The following HAGH variants were observed in gnomAD, a reference collection of about 807,000 sequenced individuals.
HAGH encodes hydroxyacylglutathione hydrolase.
Under a neutral mutation model 35.1 loss-of-function variants are expected in HAGH, and 29 were observed. That is an observed-to-expected ratio of 0.83 (90% confidence interval 0.62 to 1.13). The LOEUF is 1.13. Ranked by LOEUF, HAGH falls within the 50% of genes most tolerant of loss-of-function variation. The pLI is 0.00. For missense variants in HAGH, 478 were observed against 419.6 expected (o/e 1.14, Z -1.22); for synonymous variants, 225 against 176.1 (o/e 1.28, Z -2.20).
intron 3 of HAGH, 79 bp from the exon 4 acceptor site, chr16:1,820,093 G>T: frequency 2.6e-6 from 1 of 391,942 alleles, no homozygotes; most frequent in African/African-American, 3.0e-5. Flanking sequence ...TGCCTGCTGA[G>T]CTGAGGGGCT....
Position 1,822,918 on chromosome 16 carries a change from T to C in HAGH, c.196A>G (p.Ile66Val), listed in dbSNP as rs1277557786. Residue 66 changes from isoleucine to valine, a missense_variant, in exon 2 of 9, where the codon ATT becomes GTT. By Grantham distance (29) the Ile-to-Val change is conservative. Coordinates refer to ENST00000397356, the MANE Select transcript of HAGH (RefSeq NM_005326.6). ...ALTDNYMYLV[I>V]DDETKEAAIV... ...GCAGCCTCCTTGGTCTCATCATCAA[T>C]GACCAGGTACATGTAGTTGTCGGTC... is the stretch of plus-strand genomic sequence containing the variant. 3.1e-6 allele frequency: 5 copies of C among 1,613,784 alleles called. No individual in the cohort carries two copies. The highest frequency in any genetic ancestry group is 4.2e-6 in the Non-Finnish European group (5 of 1,179,930).
At chr16:1,825,267 G>A (rs1361033988) in intron 1 of HAGH, among the ~76,000 whole-genome samples, 5 of 152,138 alleles carry the variant, frequency 3.3e-5, no homozygotes, top group East Asian at 1.9e-4. Flanking sequence ...GCAGTGAGCC[G>A]AGATTGGCCA....
chr16:1,822,921 C>T lies in HAGH; in HGVS notation c.193G>A (p.Val65Ile), dbSNP rs58542872. 1.2e-6 allele frequency: 2 copies of T among 1,613,868 alleles called. No homozygotes were observed. The highest frequency in any genetic ancestry group is 3.3e-5 in the Admixed American group (2 of 60,020). Reference sequence around the variant, plus strand: ...GCCTCCTTGGTCTCATCATCAATGACCAGGTACATGTAGTTGTCGGTCAGG... The same window carrying T: ...GCCTCCTTGGTCTCATCATCAATGATCAGGTACATGTAGTTGTCGGTCAGG... ...PALTDNYMYL[V>I]IDDETKEAAI... is the part of the protein sequence containing the mutation. The change falls in exon 2 of 9, where the codon GTC (valine) becomes ATC (isoleucine). Residue 65 changes from valine to isoleucine, a missense_variant. Coordinates refer to ENST00000397356, the MANE Select transcript of HAGH (RefSeq NM_005326.6).
Position 1,816,974 on chromosome 16 carries a change from C to A in HAGH, c.666G>T (p.Glu222Asp), listed in dbSNP as rs753183330. Residue 222 changes from glutamate (E) to aspartate (D), a missense_variant, in exon 7 of 9, where the codon GAG becomes GAT. By Grantham distance (45) the Glu-to-Asp change is conservative (BLOSUM62 2). Coordinates refer to ENST00000397356, the MANE Select transcript of HAGH (RefSeq NM_005326.6). ...PPDTRVYCGH[E>D]YTINNLKFAR... ...CAAACTTGAGGTTGTTGATGGTGTA[C>A]TCGTGGCCACAGTAGACTCTCTGAG... is the stretch of plus-strand genomic sequence containing the variant. 2.5e-6 allele frequency: 4 copies of A among 1,612,526 alleles called. No individual in the cohort carries two copies. The highest frequency in any genetic ancestry group is 1.3e-5 in the African/African-American group (1 of 75,032).
chr16:1,816,917 G>A lies in HAGH; in HGVS notation c.723C>T (p.Ile241=). The A allele has an allele frequency of 6.2e-7, 1 of 1,613,308 alleles. No homozygotes were observed. Among genetic ancestry groups the A allele is most frequent in the Middle Eastern group, 1.6e-4 (1 of 6,062 alleles). ...CCTTGGCCCAGGCCAGCTTCTCCCG[G>A]ATGGCGGCATTGCCGGGCTCCACGT... is the stretch of plus-strand genomic sequence containing the variant. ...ARHVEPGNAA[I]REKLAWAKEK... The change falls in exon 7 of 9, where the codon ATC becomes ATT. Residue 241 remains isoleucine, a synonymous_variant. Transcript: ENST00000397356.
At chr16:1,809,983 G>A (rs1897566406) in intron 7 of HAGH, 150 bp from the exon 8 acceptor site, 2 of 635,128 alleles carry the variant, frequency 3.1e-6, no homozygotes, top group African/African-American at 3.6e-5. Flanking sequence ...GGACAACATG[G>A]CGAGACCCTG....
At chr16:1,823,086 C>A (rs104843) in intron 1 of HAGH, 49 bp from the exon 2 acceptor site, 965,244 of 1,567,882 alleles carry the variant, frequency 0.62, 299,293 homozygotes, top group Admixed American at 0.69. Context: ...AGGCCCTCCA[C>A]GACAGGACGC....
chr16:1,824,560 C>T (rs1898309928), intron 1 of HAGH, among the ~76,000 whole-genome samples: 1 of 152,198 alleles, frequency 6.6e-6, no homozygotes, highest in South Asian at 2.1e-4. Context: ...GGGAAGAAAC[C>T]ACAGAAGGTG....
rs1898190623 is a variant in HAGH at position 1,822,310 on chromosome 16, G to GGGT, written c.301_303dup (p.Thr101dup). 6.2e-7 allele frequency: 1 copy of GGGT among 1,608,210 alleles called. No individual in the cohort carries two copies. Among genetic ancestry groups the GGGT allele is most frequent in the Non-Finnish European group, 8.5e-7 (1 of 1,175,428 alleles). On this transcript the variant is annotated inframe_insertion, in exon 3 of 9. Coordinates refer to ENST00000397356, the MANE Select transcript of HAGH (RefSeq NM_005326.6). ...AGACGCGGCACTTACCAGTGGTGGT[G>GGGT]GGTGGTGAGCACTGTGGTCAGTTTC...
intron 7 of HAGH, chr16:1,810,336 G>A (rs926664425): frequency 1.3e-5 from 2 of 156,062 alleles, no homozygotes; most frequent in African/African-American, 2.4e-5. Flanking sequence ...GGACGACAGG[G>A]ACGGAGCTTC....
At chr16:1,827,191 A>G, upstream of HAGH, 2 of 1,565,202 alleles carry the variant, frequency 1.3e-6, no homozygotes, top group Non-Finnish European at 8.7e-7. Flanking sequence ...CGTAGGCATC[A>G]GCTGACCGGC....
intron 4 of HAGH, among the ~76,000 whole-genome samples, chr16:1,819,599 G>A (rs2076454): frequency 0.55 from 83,563 of 152,130 alleles, 23,590 homozygotes; most frequent in Middle Eastern, 0.68. Context: ...CAAAAAGGCT[G>A]AAGACACCCT....
chr16:1,822,737 T>G (rs1898209140), intron 2 of HAGH, 128 bp downstream of exon 2: 5 of 765,900 alleles, frequency 6.5e-6, no homozygotes, highest in Non-Finnish European at 1.1e-5. Context: ...GTTAACAGAG[T>G]GGCCGGAGAC....
intron 7 of HAGH, among the ~76,000 whole-genome samples, chr16:1,816,214 T>TAAAAAAAAAAAAAAAAA (rs796466016): frequency 7.5e-6 from 1 of 134,046 alleles, no homozygotes; most frequent in African/African-American, 2.9e-5. Context: ...AAAAAAAAAT[T>TAAAAAAAAAAAAAAAAA]AAAAAAAAAA....
chr16:1,811,063 C>T (rs1000698723), intron 7 of HAGH, among the ~76,000 whole-genome samples: 1 of 152,308 alleles, frequency 6.6e-6, no homozygotes, highest in African/African-American at 2.4e-5. Context: ...CCTATTAAAA[C>T]GAGTTTTAAT....
Position 1,815,737 on chromosome 16 carries a change from G to A in HAGH, c.747+1156C>T, listed in dbSNP as rs770815466. Among the ~76,000 whole-genome samples the A allele has an allele frequency of 7.9e-5, 12 of 152,192 alleles. 1 individual carries two copies. The South Asian group carries it at 2.5e-3, about 32-fold the overall frequency. The stretch of plus-strand genomic sequence containing the variant: ...TCTGTCCACTCAAGACAGACACACG[G>A]GCCAGGTGACGTGGCTCACGCCTGT... On this transcript the variant is annotated intron_variant, in intron 7 of 8. Transcript: ENST00000397356.
upstream of HAGH, chr16:1,826,960 C>G (rs746614021): frequency 1.6e-6 from 1 of 614,538 alleles, no homozygotes; most frequent in Non-Finnish European, 2.6e-6. Flanking sequence ...CCGCGAGCCC[C>G]GACTGCCACG....
intron 1 of HAGH, among the ~76,000 whole-genome samples, chr16:1,825,442 A>G (rs1462263053): frequency 6.6e-6 from 1 of 152,120 alleles, no homozygotes; most frequent in Non-Finnish European, 1.5e-5. Context: ...CCCTTTCCAT[A>G]TCACTCAGCC....
intron 7 of HAGH, chr16:1,810,554 A>G (rs1897598573): frequency 6.6e-6 from 1 of 152,664 alleles, no homozygotes; most frequent in Non-Finnish European, 1.5e-5. Flanking sequence ...TCCGACCAGC[A>G]CTGACCAGGG....
Sources: gnomAD v4.1 joint callset for allele counts (sites outside exome capture counted in the v4.1 genomes callset) on GRCh38, gnomAD v4.1.1 for gene constraint, MANE v1.5 for transcripts, NCBI Gene and HGNC (gene_info 2026-07-23, HGNC 2026-07-21) for gene names.